Variants in APBB1IP observed in about 807,000 individuals in gnomAD.
The protein encoded by APBB1IP is amyloid beta A4 precursor protein-binding family B member 1-interacting protein.
Under a neutral mutation model 64.9 loss-of-function variants are expected in APBB1IP, and 27 were observed. The observed-to-expected ratio is 0.42, with a 90% CI of 0.31 to 0.57. APBB1IP has a LOEUF of 0.57. Among genes scored for constraint, APBB1IP ranks in the 20% least tolerant of loss-of-function variants. APBB1IP has a pLI of 0.20. For synonymous variants in APBB1IP, 392 were observed against 331.0 expected (o/e 1.18, Z -2.00); for missense variants, 812 against 845.5 (o/e 0.96, Z 0.49).
At chr10:26,525,334 A>G (rs957600151) in intron 8 of APBB1IP, among the ~76,000 whole-genome samples, 1 of 152,102 alleles carries the variant, frequency 6.6e-6, no homozygotes, top group Non-Finnish European at 1.5e-5. Context: ...ATAAAAATAC[A>G]TAATTTGCTT....
At chr10:26,490,308 A>G (rs988514037) in intron 2 of APBB1IP, among the ~76,000 whole-genome samples, 2 of 152,154 alleles carry the variant, frequency 1.3e-5, no homozygotes, top group South Asian at 4.1e-4. Context: ...AAGAGATAAT[A>G]GTATTATGTT....
chr10:26,543,260 G>T (rs1381899398), intron 11 of APBB1IP, among the ~76,000 whole-genome samples: 2 of 151,854 alleles, frequency 1.3e-5, no homozygotes. Context: ...TGAGGCCAAG[G>T]ACTCTAGACC....
chr10:26,528,968 T>C (rs1241045357), intron 8 of APBB1IP, among the ~76,000 whole-genome samples: 1 of 152,224 alleles, frequency 6.6e-6, no homozygotes, highest in Non-Finnish European at 1.5e-5. Flanking sequence ...GTTTTACATG[T>C]ATAAAGGGTA....
chr10:26,533,423 T>G lies in APBB1IP; in HGVS notation c.814-16T>G. On this transcript the variant is annotated splice_polypyrimidine_tract_variant and intron_variant, in intron 8 of 14. Coordinates refer to ENST00000376236, the MANE Select transcript of APBB1IP (RefSeq NM_019043.4). ...AATGAACACTTACTGATCTGATCTT[T>G]TAACATTTTATTTAGAATTTCTACT... 1 of 1,521,794 alleles carries G rather than the reference T, an allele frequency of 6.6e-7. No individual in the cohort carries two copies. The allele number at this position is 1,521,794 out of a possible 1,614,324, so 94.3% of individuals were successfully genotyped here.
At chr10:26,487,436 A>G (rs1835905908) in intron 2 of APBB1IP, among the ~76,000 whole-genome samples, 1 of 152,148 alleles carries the variant, frequency 6.6e-6, no homozygotes, top group South Asian at 2.1e-4. Flanking sequence ...AACTGCCCTG[A>G]AGTCAAATGT....
chr10:26,547,904 TTTC>T (rs1460063419), intron 11 of APBB1IP, among the ~76,000 whole-genome samples: 1 of 152,214 alleles, frequency 6.6e-6, no homozygotes, highest in Admixed American at 6.5e-5. Context: ...TTGGTTTGTT[TTTC>T]TTCTTCTTTT....
At chr10:26,551,253 A>G (rs1390893414) in intron 11 of APBB1IP, among the ~76,000 whole-genome samples, 1 of 152,204 alleles carries the variant, frequency 6.6e-6, no homozygotes, top group Non-Finnish European at 1.5e-5. Context: ...TGGTACTCAC[A>G]GTGCTCTCCA....
At position 26,531,350 on chromosome 10, in the gene APBB1IP, A is replaced by G. The variant is rs1052545774; in HGVS notation, c.814-2089A>G. ...GACGCTGTCTCAAAAAAACAAAAAAAATTGTGCTTGACTTATTTCCTCTAT... is the reference window on the plus strand; with the variant it reads ...GACGCTGTCTCAAAAAAACAAAAAAGATTGTGCTTGACTTATTTCCTCTAT... On this transcript the variant is annotated intron_variant, in intron 8 of 14. Coordinates refer to ENST00000376236, the MANE Select transcript of APBB1IP (RefSeq NM_019043.4). Among the ~76,000 whole-genome samples, 127 of 145,254 alleles carry G rather than the reference A, an allele frequency of 8.7e-4. 7 individuals carry two copies. The highest frequency in any genetic ancestry group is 8.6e-3 in the Admixed American group (125 of 14,564).
chr10:26,519,388 T>A (rs919518764), intron 8 of APBB1IP, among the ~76,000 whole-genome samples: 4 of 152,108 alleles, frequency 2.6e-5, no homozygotes, highest in African/African-American at 9.7e-5. Flanking sequence ...CTCAGGAAAC[T>A]TTCAATCATG....
intron 6 of APBB1IP, among the ~76,000 whole-genome samples, chr10:26,506,226 G>A (rs1233565326): frequency 7.6e-6 from 1 of 131,134 alleles, no homozygotes; most frequent in Non-Finnish European, 1.6e-5. Context: ...GTTCCCCTCA[G>A]TGCTTAACAC....
intron 6 of APBB1IP, among the ~76,000 whole-genome samples, chr10:26,510,072 C>T (rs1371292084): frequency 6.6e-6 from 1 of 152,140 alleles, no homozygotes; most frequent in Non-Finnish European, 1.5e-5. Context: ...CAGTTTCAAG[C>T]GATTCTCCTG....
intron 3 of APBB1IP, among the ~76,000 whole-genome samples, chr10:26,493,386 T>C (rs1835981350): frequency 6.6e-6 from 1 of 152,170 alleles, no homozygotes; most frequent in Non-Finnish European, 1.5e-5. Flanking sequence ...AGAGTATTGA[T>C]TGGGGAAATG....
chr10:26,497,483 G>A (rs931681999), intron 4 of APBB1IP, among the ~76,000 whole-genome samples: 5 of 151,022 alleles, frequency 3.3e-5, no homozygotes, highest in South Asian at 2.1e-4. Flanking sequence ...CCCAGGAGGC[G>A]GAGCTTGCAG....
chr10:26,558,615 TAA>T (rs535098612), intron 11 of APBB1IP, among the ~76,000 whole-genome samples: 29 of 131,224 alleles, frequency 2.2e-4, no homozygotes, highest in African/African-American at 2.0e-4. Context: ...AGTGTTTCTT[TAA>T]AAAAAAAAAA....
At chr10:26,542,776 T>TA (rs372642909) in intron 11 of APBB1IP, among the ~76,000 whole-genome samples, 1 of 151,600 alleles carries the variant, frequency 6.6e-6, no homozygotes, top group Admixed American at 6.6e-5. Flanking sequence ...CTTTTTTTTT[T>TA]AATTCCTAAG....
chr10:26,500,748 A>T lies in APBB1IP; in HGVS notation c.161-71A>T. On this transcript the variant is annotated intron_variant, in intron 4 of 14. Coordinates refer to ENST00000376236, the MANE Select transcript of APBB1IP (RefSeq NM_019043.4). ...CCTTTCTACTCAAATATTATGCTTAAAAATTATCTTCTTTCAGTTTTTCCA... is the reference window on the plus strand; with the variant it reads ...CCTTTCTACTCAAATATTATGCTTATAAATTATCTTCTTTCAGTTTTTCCA... 4.2e-6 allele frequency: 6 copies of T among 1,434,256 alleles called. No homozygotes were observed. In the South Asian group the frequency reaches 8.1e-5, roughly 19 times the overall value. 88.8% of individuals were successfully genotyped at this position (1,434,256 alleles called of 1,614,324 possible). A position where few individuals can be genotyped will look rare whatever the true frequency, so the allele number is the denominator to read the frequency against.
intron 2 of APBB1IP, among the ~76,000 whole-genome samples, chr10:26,457,391 C>A (rs1430699697): frequency 6.6e-6 from 1 of 152,236 alleles, no homozygotes; most frequent in Non-Finnish European, 1.5e-5. Context: ...CCTCCTGCCT[C>A]CGCCTTCCAA....
intron 2 of APBB1IP, among the ~76,000 whole-genome samples, chr10:26,467,107 T>C (rs1835657208): frequency 6.6e-6 from 1 of 152,150 alleles, no homozygotes; most frequent in African/African-American, 2.4e-5. Flanking sequence ...GGTTTCACCA[T>C]GTTGGCCAGG....
chr10:26,544,336 G>A (rs1464789861), intron 11 of APBB1IP, among the ~76,000 whole-genome samples: 1 of 152,218 alleles, frequency 6.6e-6, no homozygotes, highest in Non-Finnish European at 1.5e-5. Flanking sequence ...TCAGTAAACT[G>A]GCTGAATCAG....
Sources: allele counts gnomAD v4.1 joint callset (sites outside exome capture counted in the v4.1 genomes callset), GRCh38; gene constraint gnomAD v4.1.1; transcripts MANE v1.5; gene names NCBI Gene and HGNC (gene_info 2026-07-23, HGNC 2026-07-21).